MICAL3: variants seen among roughly 807,000 people sequenced by gnomAD.
MICAL3 encodes microtubule associated monooxygenase, calponin and LIM domain containing 3, also known as [F-actin]-monooxygenase MICAL3.
A neutral mutation model predicts 207.4 loss-of-function variants in MICAL3; 62 were observed. The ratio of observed to expected loss-of-function variants is 0.30; its 90% CI spans 0.24 to 0.37. MICAL3 has a LOEUF of 0.37. Ranked by LOEUF, MICAL3 falls within the 10% of genes least tolerant of loss-of-function variation. The pLI is 1.00. For synonymous variants in MICAL3, 1,077 were observed against 1,069.3 expected, an observed-to-expected ratio of 1.01 and a Z score of -0.14; for missense variants, 2,368 against 2,635.6, an observed-to-expected ratio of 0.90 and a Z score of 2.22.
chr22:17,993,056 C>T (rs1921872840), intron 1 of MICAL3, among the ~76,000 whole-genome samples: 1 of 152,138 alleles, frequency 6.6e-6, no homozygotes, highest in Admixed American at 6.5e-5. Flanking sequence ...CCTACCCATG[C>T]AAGGGTGGTT....
At chr22:17,859,155 G>C (rs916890444) in intron 19 of MICAL3, among the ~76,000 whole-genome samples, 25 of 152,192 alleles carry the variant, frequency 1.6e-4, no homozygotes, top group African/African-American at 5.8e-4. Context: ...TGTCACAGCA[G>C]AGCTGTGAGC....
chr22:18,014,807 C>G (rs144204413), intron 1 of MICAL3, among the ~76,000 whole-genome samples: 2,972 of 152,046 alleles, frequency 0.02, 108 homozygotes, highest in African/African-American at 0.068. Flanking sequence ...TCCTAGCTAA[C>G]ACGGTGAAAC....
intron 1 of MICAL3, among the ~76,000 whole-genome samples, chr22:17,922,782 G>C (rs936943623): frequency 6.6e-6 from 1 of 152,128 alleles, no homozygotes; most frequent in Admixed American, 6.5e-5. Flanking sequence ...GTGTGTCTTG[G>C]TTCCAAGCCA....
intron 1 of MICAL3, among the ~76,000 whole-genome samples, chr22:17,978,916 T>C (rs1031131355): frequency 1.9e-4 from 29 of 150,180 alleles, no homozygotes; most frequent in Non-Finnish European, 3.4e-4. Flanking sequence ...GGCTCACGCC[T>C]ATAAATCCCA....
chr22:17,950,803 C>A (rs1007053357), intron 1 of MICAL3, among the ~76,000 whole-genome samples: 1 of 152,218 alleles, frequency 6.6e-6, no homozygotes, highest in African/African-American at 2.4e-5. Context: ...ACACTCACGA[C>A]AGATGTCTTG....
intron 29 of MICAL3, among the ~76,000 whole-genome samples, chr22:17,792,961 C>T (rs191856263): frequency 2.2e-4 from 34 of 152,352 alleles, no homozygotes; most frequent in Middle Eastern, 3.4e-3. Flanking sequence ...AGGAGGGGCC[C>T]GAGGCATGCA....
At position 17,793,371 on chromosome 22, in the gene MICAL3, C is replaced by T. The variant is rs565257339; in HGVS notation, c.5651-2070G>A. ...TTTGTAAGGACAGTATTCCTTGACTCTCCCATCCAAATCGCTGCACGCAGG... is the reference window on the plus strand; with the variant it reads ...TTTGTAAGGACAGTATTCCTTGACTTTCCCATCCAAATCGCTGCACGCAGG... On this transcript the variant is annotated intron_variant, in intron 29 of 31. Transcript: ENST00000441493. This position sits in a 1 kb window ranked among gnomAD's most constrained non-coding sequence, Gnocchi z 4.1. 1.1e-4 allele frequency among the ~76,000 whole-genome samples: 17 copies of T among 152,268 alleles called. 2 individuals are homozygous for T. In the Middle Eastern group the frequency reaches 0.024, roughly 213 times the overall value.
intron 19 of MICAL3, among the ~76,000 whole-genome samples, chr22:17,849,643 AATGTGTGTGTGTGTGT>A (rs1160357839): frequency 2.8e-4 from 34 of 120,234 alleles, no homozygotes; most frequent in African/African-American, 6.8e-4. Context: ...CCCAGAATGG[AATGTGTGTGTGTGTGT>A]GTGTGTGTGT....
intron 1 of MICAL3, among the ~76,000 whole-genome samples, chr22:17,979,606 T>G (rs1403875326): frequency 2.0e-5 from 3 of 152,046 alleles, no homozygotes; most frequent in Admixed American, 1.3e-4. Flanking sequence ...ACCAAAGATT[T>G]CATTAGAGGA....
chr22:17,838,733 A>G (rs1368157778), intron 20 of MICAL3, among the ~76,000 whole-genome samples: 1 of 152,178 alleles, frequency 6.6e-6, no homozygotes, highest in African/African-American at 2.4e-5. Context: ...TGAACTTGTG[A>G]AATGAGAGTT....
At chr22:17,896,616 C>T in intron 8 of MICAL3, 108 bp downstream of exon 8, 1 of 1,176,032 alleles carries the variant, frequency 8.5e-7, no homozygotes, top group Admixed American at 2.3e-5. Flanking sequence ...AGGGAGTTTA[C>T]CTGTGCTGTA....
chr22:17,821,388 T>C, intron 25 of MICAL3, 39 bp downstream of exon 25: 1 of 1,503,172 alleles, frequency 6.7e-7, no homozygotes, highest in Non-Finnish European at 9.0e-7. Flanking sequence ...TGGGGTCCCA[T>C]TAGTTCTCTG....
chr22:17,854,237 T>A (rs1328937148), intron 19 of MICAL3, among the ~76,000 whole-genome samples: 2 of 151,968 alleles, frequency 1.3e-5, no homozygotes, highest in African/African-American at 4.8e-5. Context: ...GGGGTGCTAC[T>A]GATGTCTGAT....
intron 1 of MICAL3, chr22:18,006,499 TAGA>T (rs2146497527): frequency 6.6e-6 from 1 of 152,282 alleles, no homozygotes; most frequent in South Asian, 2.1e-4. Flanking sequence ...ATGGAGCCGG[TAGA>T]AGATTTGTGG....
chr22:17,966,814 G>C (rs1935162274), intron 1 of MICAL3, among the ~76,000 whole-genome samples: 1 of 152,214 alleles, frequency 6.6e-6, no homozygotes, highest in African/African-American at 2.4e-5. Flanking sequence ...CCTGAGCCTT[G>C]CTAAATGTGC....
intron 28 of MICAL3, among the ~76,000 whole-genome samples, chr22:17,810,008 C>T (rs1039753627): frequency 6.6e-6 from 1 of 151,594 alleles, no homozygotes; most frequent in East Asian, 1.9e-4. Context: ...CGTGCCTCAG[C>T]CTCCCAAATA....
intron 1 of MICAL3, among the ~76,000 whole-genome samples, chr22:17,924,149 T>C (rs1197841965): frequency 6.6e-6 from 1 of 152,174 alleles, no homozygotes; most frequent in East Asian, 1.9e-4. Context: ...ACGTGGGGAA[T>C]ATGGGAGCTA....
At chr22:18,018,544 TA>T (rs1390306756) in intron 1 of MICAL3, among the ~76,000 whole-genome samples, 3 of 151,100 alleles carry the variant, frequency 2.0e-5, no homozygotes, top group Non-Finnish European at 4.4e-5. Flanking sequence ...GCCAACATGG[TA>T]ACCCCATGTC....
intron 1 of MICAL3, among the ~76,000 whole-genome samples, chr22:17,947,286 A>G (rs1358360152): frequency 6.6e-6 from 1 of 152,232 alleles, no homozygotes; most frequent in Non-Finnish European, 1.5e-5. Flanking sequence ...GCCCCCCAGC[A>G]TGGCCAAACT....
Sources: gnomAD v4.1 joint callset for allele counts (sites outside exome capture counted in the v4.1 genomes callset) on GRCh38, gnomAD v4.1.1 for gene constraint, Gnocchi (gnomAD v3.1) non-coding constraint, MANE v1.5 for transcripts, NCBI Gene and HGNC (gene_info 2026-07-23, HGNC 2026-07-21) for gene names.